Variants in AHRR observed in about 807,000 individuals in gnomAD.
The protein encoded by AHRR is aryl hydrocarbon receptor repressor.
AHRR carries 28 observed loss-of-function variants against 44.0 expected under a neutral mutation model. The observed-to-expected ratio is 0.64, with a 90% CI of 0.47 to 0.87. AHRR has a LOEUF of 0.87. AHRR is among the 40% of genes least tolerant of loss of function. The pLI is 0.00. For synonymous variants in AHRR, 434 were observed against 407.0 expected (o/e 1.07, Z -0.80); for missense variants, 990 against 953.9 (o/e 1.04, Z -0.50).
intron 4 of AHRR, among the ~76,000 whole-genome samples, chr5:409,726 G>A (rs1368310946): frequency 1.3e-5 from 2 of 151,790 alleles, no homozygotes; most frequent in East Asian, 1.9e-4. Context: ...TCAATGTGCT[G>A]TGCATATTTT....
rs1029459682 is a variant in AHRR at position 326,093 on chromosome 5, T to G, written c.-11+4274T>G. On this transcript the variant is annotated intron_variant, in intron 1 of 10. Transcript: ENST00000684583. This position sits in a 1 kb window ranked among gnomAD's most constrained non-coding sequence, Gnocchi z 4.1. ...CCACTGCGGCCGGCCTCTTTGTATT[T>G]TCTCGTTGAGGCAAAATGCACATAA... Among the ~76,000 whole-genome samples, 2 of 152,232 alleles carry G rather than the reference T, an allele frequency of 1.3e-5. No individual in the cohort carries two copies. Among genetic ancestry groups the G allele is most frequent in the African/African-American group, 4.8e-5 (2 of 41,460 alleles).
intron 3 of AHRR, among the ~76,000 whole-genome samples, chr5:364,856 TA>T (rs1479447703): frequency 6.6e-6 from 1 of 152,228 alleles, no homozygotes; most frequent in African/African-American, 2.4e-5. Flanking sequence ...TATATTAATG[TA>T]AAAAAATTGA....
chr5:426,585 G>T (rs904164973), intron 7 of AHRR, among the ~76,000 whole-genome samples: 2 of 150,546 alleles, frequency 1.3e-5, no homozygotes, highest in Non-Finnish European at 3.0e-5. Flanking sequence ...ATGGGTAGGT[G>T]CATAGATGGA....
At chr5:382,177 T>C (rs1734012572) in intron 4 of AHRR, among the ~76,000 whole-genome samples, 2 of 152,252 alleles carry the variant, frequency 1.3e-5, no homozygotes, top group Admixed American at 6.5e-5. Flanking sequence ...TAACGCTGGC[T>C]TCTTAAAATT....
In AHRR at chr5:388,343, C is replaced by T. The variant is rs979931504; in HGVS notation, c.351+11627C>T. Reference sequence around the variant, plus strand: ...GACTGCGCCTGGGGCTGCCCCAAGACTGTGAAGCTCATGGACTCACGCAGC... The same window carrying T: ...GACTGCGCCTGGGGCTGCCCCAAGATTGTGAAGCTCATGGACTCACGCAGC... On this transcript the variant is annotated intron_variant, in intron 4 of 10. Transcript: ENST00000684583. This position sits in a 1 kb window ranked among gnomAD's most constrained non-coding sequence, Gnocchi z 5.2. Among the ~76,000 whole-genome samples, 1 of 152,258 alleles carries T rather than the reference C, an allele frequency of 6.6e-6. No homozygotes were observed. The highest frequency in any genetic ancestry group is 2.4e-5 in the African/African-American group (1 of 41,470).
In AHRR at chr5:434,005, A is replaced by G; in HGVS notation, c.1265A>G (p.Asp422Gly). The part of the protein sequence containing the change: ...ARPRLQPSKN[D>G]PPSLRPMPRG... Reference sequence around the variant, plus strand: ...CCGAGGCTGCAGCCCAGCAAGAATGACCCGCCCTCCCTGCGCCCCATGCCC... The same window carrying G: ...CCGAGGCTGCAGCCCAGCAAGAATGGCCCGCCCTCCCTGCGCCCCATGCCC... Residue 422 changes from aspartate (D) to glycine (G), a missense_variant, in exon 11 of 11, where the codon GAC (aspartate) becomes GGC (glycine). Transcript: ENST00000684583. 6.3e-7 allele frequency: 1 copy of G among 1,577,924 alleles called. No individual in the cohort carries two copies. The highest frequency in any genetic ancestry group is 8.6e-7 in the Non-Finnish European group (1 of 1,163,830).
rs368076472 is a variant in AHRR, at chr5:434,249, G to A, written c.1509G>A (p.Arg503=). The A allele has an allele frequency of 7.5e-6, 12 of 1,598,182 alleles. No individual in the cohort carries two copies. The highest frequency in any genetic ancestry group is 1.0e-5 in the Non-Finnish European group (12 of 1,172,172). ...CTGGAGCTCAGCGTTTTGCCACGAG[G>A]GGCTATCCCATGGAGGACATGAAGC... is the stretch of plus-strand genomic sequence containing the variant. ...PQPGAQRFAT[R]GYPMEDMKLQ... is the part of the protein sequence containing the mutation. Residue 503 remains arginine, a synonymous_variant, in exon 11 of 11, where the codon AGG becomes AGA. Coordinates refer to ENST00000684583, the MANE Select transcript of AHRR (RefSeq NM_001377236.1).
chr5:341,678 C>T (rs530103929), intron 1 of AHRR, among the ~76,000 whole-genome samples: 5 of 152,112 alleles, frequency 3.3e-5, no homozygotes, highest in Non-Finnish European at 7.4e-5. Flanking sequence ...TGAGCCACCA[C>T]GCCCTGCCAA....
chr5:379,354 G>A (rs1413123829), intron 4 of AHRR, among the ~76,000 whole-genome samples: 2 of 152,178 alleles, frequency 1.3e-5, no homozygotes, highest in Non-Finnish European at 2.9e-5. Flanking sequence ...TTGTTTTTAG[G>A]TTTTGGTGTT....
At chr5:324,290 C>T (rs1196810444) in intron 1 of AHRR, among the ~76,000 whole-genome samples, 1 of 151,488 alleles carries the variant, frequency 6.6e-6, no homozygotes, top group African/African-American at 2.4e-5. Flanking sequence ...AGGCTGGTCT[C>T]GAACTCCTGA....
In AHRR at chr5:419,463, G is replaced by A. The variant is rs112374630; in HGVS notation, c.442-3266G>A. On this transcript the variant is annotated intron_variant, in intron 5 of 10. Coordinates refer to ENST00000684583, the MANE Select transcript of AHRR (RefSeq NM_001377236.1). This position sits in a 1 kb window ranked among gnomAD's most constrained non-coding sequence, Gnocchi z 4.4. Reference sequence around the variant, plus strand: ...ATTACAGGCGTGAACCACTGTGCCCGGCTGAGAGTTTTAGTCTTTTAAGCA... The same window carrying A: ...ATTACAGGCGTGAACCACTGTGCCCAGCTGAGAGTTTTAGTCTTTTAAGCA... Among the ~76,000 whole-genome samples the A allele has an allele frequency of 2.3e-3, 348 of 152,238 alleles. 2 individuals are homozygous for A. Among genetic ancestry groups the A allele is most frequent in the African/African-American group, 7.2e-3 (298 of 41,508 alleles).
chr5:414,537 A>G (rs1212645046), intron 5 of AHRR, among the ~76,000 whole-genome samples: 2 of 152,160 alleles, frequency 1.3e-5, no homozygotes, highest in Non-Finnish European at 2.9e-5. Context: ...CCGCCCTGCA[A>G]ATGAGCTCAC....
chr5:429,638 A>T (rs1030867474), intron 8 of AHRR, among the ~76,000 whole-genome samples: 1 of 152,166 alleles, frequency 6.6e-6, no homozygotes, highest in African/African-American at 2.4e-5. Flanking sequence ...TTGCCGCGCG[A>T]TCCTGCAGCC....
intron 3 of AHRR, among the ~76,000 whole-genome samples, chr5:372,793 C>G (rs1382203109): frequency 6.6e-6 from 1 of 152,208 alleles, no homozygotes; most frequent in Non-Finnish European, 1.5e-5. Flanking sequence ...CTTCTGGCTC[C>G]TCCTCCACCA....
intron 1 of AHRR, among the ~76,000 whole-genome samples, chr5:323,866 G>A (rs1166563461): frequency 6.6e-6 from 1 of 152,088 alleles, no homozygotes; most frequent in African/African-American, 2.4e-5. Context: ...GAGGAGAGTC[G>A]GCTCACAGAC....
At chr5:421,242 G>T (rs1736099029) in intron 5 of AHRR, 8 of 694,546 alleles carry the variant, frequency 1.2e-5, no homozygotes, top group Middle Eastern at 2.9e-4. Context: ...CCACCCCGCG[G>T]TTCAGCCACG....
intron 4 of AHRR, among the ~76,000 whole-genome samples, chr5:403,003 A>C (rs4956935): frequency 0.33 from 50,614 of 152,006 alleles, 10,007 homozygotes; most frequent in Non-Finnish European, 0.44. Context: ...TCATCGAAAC[A>C]GAGAGTCAGT....
At chr5:330,692 A>G (rs551630061) in intron 1 of AHRR, among the ~76,000 whole-genome samples, 1 of 151,750 alleles carries the variant, frequency 6.6e-6, no homozygotes, top group South Asian at 2.1e-4. Context: ...GTCTATGTTC[A>G]TCAGGGATAT....
At chr5:354,310 G>T (rs983847045) in intron 3 of AHRR, among the ~76,000 whole-genome samples, 3 of 152,248 alleles carry the variant, frequency 2.0e-5, no homozygotes, top group African/African-American at 7.2e-5. Context: ...TGAGGGATCG[G>T]CTTTGTGGAT....
Sources: gnomAD v4.1 joint callset for allele counts (sites outside exome capture counted in the v4.1 genomes callset) on GRCh38, gnomAD v4.1.1 for gene constraint, Gnocchi (gnomAD v3.1) non-coding constraint, MANE v1.5 for transcripts, NCBI Gene and HGNC (gene_info 2026-07-23, HGNC 2026-07-21) for gene names.